The following SLC25A53 variants were observed in gnomAD, a reference collection of about 807,000 sequenced individuals.
SLC25A53 encodes mitochondrial carrier triple repeat protein 6.
Under a neutral mutation model 15.0 loss-of-function variants are expected in SLC25A53, and 5 were observed. The ratio of observed to expected loss-of-function variants is 0.33; its 90% CI spans 0.17 to 0.70. The LOEUF is 0.70. Among genes scored for constraint, SLC25A53 ranks in the 30% least tolerant of loss-of-function variants. The pLI is 0.67. For synonymous variants in SLC25A53, 95 were observed against 100.0 expected (o/e 0.95, Z 0.30); for missense variants, 216 against 241.6 (o/e 0.89, Z 0.70).
At chrX:104,124,404 G>A (rs1176642920) in intron 1 of SLC25A53, among the ~76,000 whole-genome samples, 2 of 111,209 alleles carry the variant, frequency 1.8e-5, no homozygotes, top group East Asian at 5.6e-4. Flanking sequence ...ACTTTTTGAT[G>A]GGGCTGTTTT....
intron 1 of SLC25A53, chrX:104,115,144 T>C: frequency 8.3e-7 from 1 of 1,207,665 alleles, no homozygotes; most frequent in Non-Finnish European, 1.1e-6. Context: ...GAAGCGAAAA[T>C]ACACAACCCG....
At chrX:104,141,060 A>T (rs1556367451) in intron 1 of SLC25A53, among the ~76,000 whole-genome samples, 1 of 112,174 alleles carries the variant, frequency 8.9e-6, no homozygotes, top group Non-Finnish European at 1.9e-5. Flanking sequence ...CTGCTCCTCA[A>T]ATCAGCAAAG....
intron 1 of SLC25A53, among the ~76,000 whole-genome samples, chrX:104,119,048 T>C (rs2075385945): frequency 1.8e-5 from 2 of 111,587 alleles, no homozygotes; most frequent in South Asian, 7.5e-4. Context: ...GTGCAAATGG[T>C]TTTGAATTTG....
At chrX:104,112,069 A>T (rs2075348174) in intron 1 of SLC25A53, 1 of 111,734 alleles carries the variant, frequency 8.9e-6, no homozygotes, top group South Asian at 3.8e-4. Context: ...AAATGGGCAC[A>T]CTACTACCTC....
At chrX:104,151,036 C>T (rs2075483340) in intron 1 of SLC25A53, among the ~76,000 whole-genome samples, 1 of 112,007 alleles carries the variant, frequency 8.9e-6, no homozygotes, top group African/African-American at 3.2e-5. Flanking sequence ...CTCTTTTACA[C>T]TGCAGTTTTG....
rs1230348487 is a variant in SLC25A53 at position 104,139,852 on chromosome X, TAAA to T, written c.-32+17023_-32+17025del. On this transcript the variant is annotated intron_variant, in intron 1 of 1. Coordinates refer to ENST00000594199, the MANE Select transcript of SLC25A53 (RefSeq NM_001012755.5). ...TACATAAATAAACAGATAAATAAAATAAAAATAAATAAAATAAAATGTGGCTTT... is the reference window on the plus strand; with the variant it reads ...TACATAAATAAACAGATAAATAAAATAATAAATAAAATAAAATGTGGCTTT... Among the ~76,000 whole-genome samples, 4 of 112,034 alleles carry T rather than the reference TAAA, an allele frequency of 3.6e-5. No individual in the cohort carries two copies. In the South Asian group the frequency reaches 1.5e-3, roughly 41 times the overall value.
At chrX:104,145,527 T>C (rs1375139450) in intron 1 of SLC25A53, among the ~76,000 whole-genome samples, 1 of 111,451 alleles carries the variant, frequency 9.0e-6, no homozygotes, top group Non-Finnish European at 1.9e-5. Flanking sequence ...CAGGAGCTGG[T>C]TTTTTGAAAA....
intron 1 of SLC25A53, chrX:104,114,942 G>T: frequency 8.3e-7 from 1 of 1,198,205 alleles, no homozygotes; most frequent in East Asian, 3.0e-5. Context: ...ACTCTGATGA[G>T]GATGTGATCC....
chrX:104,113,037 T>G (rs2075357116), intron 1 of SLC25A53: 1 of 12,327 alleles, frequency 8.1e-5, no homozygotes, highest in Non-Finnish European at 1.4e-4. Flanking sequence ...GGGGGTGTTG[T>G]TGGGTGTCGG....
chrX:104,106,563 G>A (rs1249247292), intron 1 of SLC25A53, among the ~76,000 whole-genome samples: 1 of 111,128 alleles, frequency 9.0e-6, no homozygotes, highest in East Asian at 2.8e-4. Context: ...CAGAACCCTG[G>A]GCTATGTGAT....
chrX:104,111,945 T>C (rs1297161859), intron 1 of SLC25A53, among the ~76,000 whole-genome samples: 2 of 111,853 alleles, frequency 1.8e-5, no homozygotes, highest in African/African-American at 3.3e-5. Flanking sequence ...TCTGACAGAA[T>C]AGAGGAGTGC....
At chrX:104,147,836 C>T (rs2075472900) in intron 1 of SLC25A53, among the ~76,000 whole-genome samples, 1 of 109,423 alleles carries the variant, frequency 9.1e-6, no homozygotes, top group African/African-American at 3.3e-5. Flanking sequence ...AATAGGAACA[C>T]TTTTACACTG....
intron 1 of SLC25A53, chrX:104,131,101 G>A (rs2075424660): frequency 9.0e-6 from 1 of 111,516 alleles, no homozygotes; most frequent in African/African-American, 3.3e-5. Context: ...TCATATGTGT[G>A]GCGCATTGGT....
At chrX:104,148,223 T>A (rs1461397048) in intron 1 of SLC25A53, among the ~76,000 whole-genome samples, 3 of 108,917 alleles carry the variant, frequency 2.8e-5, no homozygotes, top group Admixed American at 9.9e-5. Context: ...ACACCGCATG[T>A]TCTCACTCAT....
At chrX:104,114,681 CA>C (rs2075367874) in intron 1 of SLC25A53, 1 of 1,211,909 alleles carries the variant, frequency 8.3e-7, no homozygotes. Context: ...ACCTGCGCTT[CA>C]GGCTTAAGCA....
intron 1 of SLC25A53, among the ~76,000 whole-genome samples, chrX:104,147,923 C>T (rs1304668727): frequency 9.0e-6 from 1 of 111,185 alleles, no homozygotes; most frequent in African/African-American, 3.3e-5. Context: ...ACTAGAAATA[C>T]CATTTGACCC....
intron 1 of SLC25A53, among the ~76,000 whole-genome samples, chrX:104,150,264 C>T (rs1434684147): frequency 9.2e-6 from 1 of 108,704 alleles, no homozygotes; most frequent in Non-Finnish European, 1.9e-5. Flanking sequence ...AAGAAGGTAA[C>T]CAAATGCTTT....
intron 1 of SLC25A53, among the ~76,000 whole-genome samples, chrX:104,140,296 T>C (rs1556367301): frequency 2.1e-5 from 2 of 93,868 alleles, no homozygotes; most frequent in African/African-American, 8.0e-5. Context: ...CTGATAATTT[T>C]TGTCTTTTTT....
chrX:104,112,026 T>C (rs1250094444), intron 1 of SLC25A53: 1 of 111,708 alleles, frequency 9.0e-6, no homozygotes, highest in Admixed American at 9.5e-5. Context: ...ACTTCCTAAC[T>C]GTACTGCCTG....
Sources: allele counts gnomAD v4.1 joint callset (sites outside exome capture counted in the v4.1 genomes callset), GRCh38; gene constraint gnomAD v4.1.1; transcripts MANE v1.5; gene names NCBI Gene and HGNC (gene_info 2026-07-23, HGNC 2026-07-21).